Variants in NR3C2 observed in about 807,000 individuals in gnomAD.
NR3C2 encodes the protein mineralocorticoid receptor.
Under a neutral mutation model 86.4 loss-of-function variants are expected in NR3C2, and 15 were observed. That is an observed-to-expected ratio of 0.17 (90% CI 0.12 to 0.27). NR3C2 has a LOEUF of 0.27. Among genes scored for constraint, NR3C2 ranks in the 10% least tolerant of loss-of-function variants. NR3C2 has a pLI of 1.00. For synonymous variants in NR3C2, 458 were observed against 450.5 expected (o/e 1.02, Z -0.21); for missense variants, 960 against 1,195.6 (o/e 0.80, Z 2.91).
intron 2 of NR3C2, among the ~76,000 whole-genome samples, chr4:148,423,229 A>G (rs1027578858): frequency 1.2e-4 from 2 of 16,990 alleles, no homozygotes; most frequent in African/African-American, 2.3e-4. Flanking sequence ...TCCTGAATTA[A>G]AAAAAAAAAA....
At chr4:148,354,583 T>C (rs1299988785) in intron 2 of NR3C2, among the ~76,000 whole-genome samples, 3 of 152,186 alleles carry the variant, frequency 2.0e-5, no homozygotes, top group African/African-American at 7.2e-5. Context: ...TGAATTACAC[T>C]GTTCTGCAGA....
At chr4:148,281,763 G>C (rs1050943656) in intron 2 of NR3C2, among the ~76,000 whole-genome samples, 1 of 152,218 alleles carries the variant, frequency 6.6e-6, no homozygotes, top group East Asian at 1.9e-4. Context: ...TATCCTTGCT[G>C]TGCAGGGCAT....
chr4:148,271,493 C>G (rs72655257), intron 2 of NR3C2, among the ~76,000 whole-genome samples: 14 of 152,078 alleles, frequency 9.2e-5, no homozygotes, highest in African/African-American at 3.1e-4. Flanking sequence ...TCGGCACACA[C>G]TGAACTAGTG....
intron 3 of NR3C2, among the ~76,000 whole-genome samples, chr4:148,252,808 T>C (rs1484469125): frequency 6.6e-6 from 1 of 152,194 alleles, no homozygotes; most frequent in African/African-American, 2.4e-5. Context: ...TAATCTTCCC[T>C]TCCTGTTGTT....
chr4:148,243,627 C>CA (rs1739171020), intron 3 of NR3C2, among the ~76,000 whole-genome samples: 1 of 152,220 alleles, frequency 6.6e-6, no homozygotes, highest in South Asian at 2.1e-4. Flanking sequence ...TTAACAAATA[C>CA]AATTTCCACA....
chr4:148,342,618 A>T (rs986387161), intron 2 of NR3C2, among the ~76,000 whole-genome samples: 1 of 152,288 alleles, frequency 6.6e-6, no homozygotes, highest in South Asian at 2.1e-4. Flanking sequence ...CCGTTCCCAC[A>T]TATCTGAACC....
chr4:148,186,030 A>G (rs1735872897), intron 4 of NR3C2, among the ~76,000 whole-genome samples: 1 of 152,192 alleles, frequency 6.6e-6, no homozygotes, highest in South Asian at 2.1e-4. Flanking sequence ...CATTTTATTG[A>G]AATAGCCAAA....
At chr4:148,118,977 C>T (rs1486596421) in intron 7 of NR3C2, among the ~76,000 whole-genome samples, 4 of 152,190 alleles carry the variant, frequency 2.6e-5, no homozygotes, top group Admixed American at 6.5e-5. Context: ...CTGCCTCTCT[C>T]CTATCCTGTC....
chr4:148,145,336 C>T (rs1733815744), intron 6 of NR3C2, among the ~76,000 whole-genome samples: 1 of 152,148 alleles, frequency 6.6e-6, no homozygotes, highest in African/African-American at 2.4e-5. Context: ...GCGGACAGCC[C>T]ACCCCAAGGG....
chr4:148,415,260 C>T (rs1375398461), intron 2 of NR3C2, among the ~76,000 whole-genome samples: 3 of 152,086 alleles, frequency 2.0e-5, no homozygotes, highest in Non-Finnish European at 2.9e-5. Context: ...CTGAAGGAGT[C>T]AAATTTCAGG....
At chr4:148,353,694 A>G (rs1299943147) in intron 2 of NR3C2, among the ~76,000 whole-genome samples, 1 of 152,156 alleles carries the variant, frequency 6.6e-6, no homozygotes, top group Non-Finnish European at 1.5e-5. Flanking sequence ...TGTTTTTATA[A>G]TTATATTCCT....
intron 2 of NR3C2, among the ~76,000 whole-genome samples, chr4:148,359,959 C>T (rs529316597): frequency 1.3e-5 from 2 of 152,220 alleles, no homozygotes; most frequent in Non-Finnish European, 2.9e-5. Context: ...GGAATTGGTG[C>T]ATAGTGGTGG....
At chr4:148,133,076 C>T (rs2149744437) in intron 6 of NR3C2, among the ~76,000 whole-genome samples, 1 of 151,726 alleles carries the variant, frequency 6.6e-6, no homozygotes, top group Middle Eastern at 3.4e-3. Flanking sequence ...CCTTATAGTC[C>T]CAGCTACTTG....
chr4:148,147,783 T>C (rs1409276583), intron 6 of NR3C2, among the ~76,000 whole-genome samples: 1 of 152,188 alleles, frequency 6.6e-6, no homozygotes, highest in Non-Finnish European at 1.5e-5. Context: ...GCACGGGTAA[T>C]GGCTCAGCGA....
chr4:148,285,395 C>T (rs1418877337), intron 2 of NR3C2, among the ~76,000 whole-genome samples: 2 of 152,176 alleles, frequency 1.3e-5, no homozygotes, highest in African/African-American at 2.4e-5. Flanking sequence ...AGAAAATATA[C>T]TTCTCCTTTT....
chr4:148,159,342 T>C (rs61757905), intron 4 of NR3C2, among the ~76,000 whole-genome samples: 2 of 152,204 alleles, frequency 1.3e-5, no homozygotes, highest in Non-Finnish European at 2.9e-5. Context: ...ATTTCTGAAT[T>C]GTTAATTATT....
chr4:148,352,581 T>A (rs1745345007), intron 2 of NR3C2, among the ~76,000 whole-genome samples: 1 of 152,066 alleles, frequency 6.6e-6, no homozygotes, highest in African/African-American at 2.4e-5. Context: ...AACAGCAGGG[T>A]GTTGGGAAAA....
intron 6 of NR3C2, among the ~76,000 whole-genome samples, chr4:148,142,440 C>T (rs1470534246): frequency 6.6e-6 from 1 of 152,130 alleles, no homozygotes; most frequent in African/African-American, 2.4e-5. Flanking sequence ...TTGTAATCCT[C>T]AGTGTTGGAG....
At chr4:148,404,393 A>G (rs1748311356) in intron 2 of NR3C2, among the ~76,000 whole-genome samples, 1 of 152,194 alleles carries the variant, frequency 6.6e-6, no homozygotes, top group African/African-American at 2.4e-5. Context: ...TAAATGTGGT[A>G]CACTAATAGT....
Sources: allele counts gnomAD v4.1 joint callset (sites outside exome capture counted in the v4.1 genomes callset), GRCh38; gene constraint gnomAD v4.1.1; transcripts MANE v1.5; gene names NCBI Gene and HGNC (gene_info 2026-07-23, HGNC 2026-07-21).